Variants in FGGY observed in about 807,000 individuals in gnomAD.
The protein encoded by FGGY is FGGY carbohydrate kinase domain-containing protein.
Under a neutral mutation model 71.3 loss-of-function variants are expected in FGGY, and 72 were observed. The ratio of observed to expected loss-of-function variants is 1.01; its 90% CI spans 0.84 to 1.23. The LOEUF is 1.23. Among genes scored for constraint, FGGY ranks in the 50% most tolerant of loss-of-function variants. The pLI, the probability that FGGY is intolerant of heterozygous loss-of-function variation, is 0.00. For synonymous variants in FGGY, 251 were observed against 250.3 expected (o/e 1.00, Z -0.02); for missense variants, 668 against 682.3 (o/e 0.98, Z 0.23).
At chr1:59,645,472 C>A (rs1558655814) in intron 11 of FGGY, among the ~76,000 whole-genome samples, 1 of 152,182 alleles carries the variant, frequency 6.6e-6, no homozygotes, top group East Asian at 1.9e-4. Flanking sequence ...GCCCACCAGT[C>A]CCTTGGTCCT....
intron 7 of FGGY, among the ~76,000 whole-genome samples, chr1:59,517,918 G>T (rs1443263125): frequency 6.6e-6 from 1 of 152,208 alleles, no homozygotes; most frequent in African/African-American, 2.4e-5. Context: ...GCTTATTTCT[G>T]CAGGAGCAAA....
intron 11 of FGGY, 40 bp from the exon 12 acceptor site, chr1:59,660,179 T>C: frequency 6.3e-7 from 1 of 1,580,358 alleles, no homozygotes; most frequent in Non-Finnish European, 8.7e-7. Context: ...CGGCAGCTTC[T>C]TTTGACCATC....
At chr1:59,525,695 G>T (rs1433690595) in intron 7 of FGGY, among the ~76,000 whole-genome samples, 1 of 152,118 alleles carries the variant, frequency 6.6e-6, no homozygotes, top group African/African-American at 2.4e-5. Flanking sequence ...CATTGTTATA[G>T]GTATGTTAGA....
At chr1:59,517,419 C>T (rs2094693542) in intron 7 of FGGY, among the ~76,000 whole-genome samples, 1 of 151,726 alleles carries the variant, frequency 6.6e-6, no homozygotes, top group Non-Finnish European at 1.5e-5. Context: ...GCGCCCGCCA[C>T]TATGCCCGGC....
intron 4 of FGGY, among the ~76,000 whole-genome samples, chr1:59,366,478 C>T (rs548462590): frequency 6.6e-6 from 1 of 152,072 alleles, no homozygotes; most frequent in South Asian, 2.1e-4. Context: ...CCTTTCCCCG[C>T]TCTGAGCCCT....
chr1:59,552,931 G>A (rs1178813603), intron 7 of FGGY, among the ~76,000 whole-genome samples: 1 of 152,198 alleles, frequency 6.6e-6, no homozygotes, highest in Non-Finnish European at 1.5e-5. Flanking sequence ...GGAGGCAGAT[G>A]GGATATATGA....
At chr1:59,326,721 T>G (rs1243089209) in intron 2 of FGGY, among the ~76,000 whole-genome samples, 1 of 152,018 alleles carries the variant, frequency 6.6e-6, no homozygotes, top group Non-Finnish European at 1.5e-5. Context: ...GCATTTGAAG[T>G]GTTTTTTTTT....
intron 6 of FGGY, among the ~76,000 whole-genome samples, chr1:59,476,076 T>G (rs1394269716): frequency 2.0e-5 from 3 of 152,322 alleles, no homozygotes; most frequent in African/African-American, 7.2e-5. Flanking sequence ...TGTATATAGC[T>G]TTTGCGTTAA....
At chr1:59,447,849 CA>C (rs2071668182) in intron 5 of FGGY, among the ~76,000 whole-genome samples, 1 of 152,142 alleles carries the variant, frequency 6.6e-6, no homozygotes. Flanking sequence ...TCTTTATCAG[CA>C]GTGTGAAAAT....
chr1:59,701,189 A>G (rs1473160497), intron 14 of FGGY, among the ~76,000 whole-genome samples: 2 of 152,180 alleles, frequency 1.3e-5, no homozygotes, highest in Non-Finnish European at 1.5e-5. Flanking sequence ...TCTTCCATAT[A>G]TACCCATAGC....
intron 11 of FGGY, among the ~76,000 whole-genome samples, chr1:59,657,705 A>G (rs1045510036): frequency 1.3e-5 from 2 of 152,122 alleles, no homozygotes; most frequent in African/African-American, 4.8e-5. Context: ...ACCTTTTTAT[A>G]ATTCATACTC....
chr1:59,526,681 G>A lies in FGGY; in HGVS notation c.799+14242G>A, dbSNP rs564143428. Among the ~76,000 whole-genome samples the A allele has an allele frequency of 3.3e-5, 5 of 152,224 alleles. No individual in the cohort carries two copies. The South Asian group carries it at 1.0e-3, about 31-fold the overall frequency. On this transcript the variant is annotated intron_variant, in intron 7 of 15. Transcript: ENST00000303721. ...GTAGTAGAATGTGCAGAGGCTCAGG[G>A]ACGTTAAAATGCCCTTCATAATCAA...
intron 4 of FGGY, among the ~76,000 whole-genome samples, chr1:59,360,124 ATTG>A (rs200444810): frequency 1.5e-5 from 2 of 137,164 alleles, no homozygotes; most frequent in Non-Finnish European, 3.0e-5. Context: ...TTTTTCTATC[ATTG>A]TTATTATTAT....
chr1:59,754,385 T>C (rs1210727287), intron 14 of FGGY, among the ~76,000 whole-genome samples: 1 of 152,170 alleles, frequency 6.6e-6, no homozygotes, highest in African/African-American at 2.4e-5. Context: ...CTTTCCTTTT[T>C]TTTTTGTTGT....
At chr1:59,328,338 G>A (rs1218322006) in intron 2 of FGGY, among the ~76,000 whole-genome samples, 1 of 152,166 alleles carries the variant, frequency 6.6e-6, no homozygotes, top group Non-Finnish European at 1.5e-5. Flanking sequence ...TTATGGAAAT[G>A]GCTTGTTTAC....
chr1:59,566,836 T>C (rs879480743), intron 8 of FGGY, among the ~76,000 whole-genome samples: 8 of 152,064 alleles, frequency 5.3e-5, no homozygotes, highest in African/African-American at 1.9e-4. Context: ...TTTTAAAACA[T>C]CTAGAGAACT....
chr1:59,537,878 T>C (rs2095359882), intron 7 of FGGY, among the ~76,000 whole-genome samples: 1 of 152,162 alleles, frequency 6.6e-6, no homozygotes, highest in Non-Finnish European at 1.5e-5. Flanking sequence ...ACGTTAGACC[T>C]AAAACCATAA....
intron 14 of FGGY, among the ~76,000 whole-genome samples, chr1:59,691,226 T>C (rs2097584015): frequency 6.6e-6 from 1 of 152,320 alleles, no homozygotes; most frequent in South Asian, 2.1e-4. Flanking sequence ...GAAAATATTA[T>C]AATGTTTAAT....
chr1:59,515,116 C>G (rs928554511), intron 7 of FGGY, among the ~76,000 whole-genome samples: 3 of 152,002 alleles, frequency 2.0e-5, no homozygotes, highest in Non-Finnish European at 2.9e-5. Context: ...CCCTGCAAAG[C>G]CACAGAGGCA....
Sources: allele counts gnomAD v4.1 joint callset (sites outside exome capture counted in the v4.1 genomes callset), GRCh38; gene constraint gnomAD v4.1.1; transcripts MANE v1.5; gene names NCBI Gene and HGNC (gene_info 2026-07-23, HGNC 2026-07-21).